The following KCND2 variants were observed in gnomAD, a reference collection of about 807,000 sequenced individuals.
KCND2 encodes the protein potassium voltage-gated channel subfamily D member 2, also known as A-type voltage-gated potassium channel KCND2.
Under a neutral mutation model 54.4 loss-of-function variants are expected in KCND2, and 16 were observed. The ratio of observed to expected loss-of-function variants is 0.29; its 90% CI spans 0.20 to 0.45. The LOEUF (loss-of-function observed/expected upper bound fraction) is 0.45, where lower values mean the gene tolerates loss of function less well. Among genes scored for constraint, KCND2 ranks in the 20% least tolerant of loss-of-function variants. The pLI, the probability that KCND2 is intolerant of heterozygous loss-of-function variation, is 1.00. For missense variants in KCND2, 486 were observed against 824.2 expected (o/e 0.59, Z 5.02); for synonymous variants, 317 against 310.7 (o/e 1.02, Z -0.21).
At chr7:120,522,050 A>G (rs1791702964) in intron 1 of KCND2, among the ~76,000 whole-genome samples, 1 of 152,154 alleles carries the variant, frequency 6.6e-6, no homozygotes, top group African/African-American at 2.4e-5. Context: ...ACACATTTGC[A>G]ACAACTCACC....
At chr7:120,533,427 A>G (rs1385448281) in intron 1 of KCND2, among the ~76,000 whole-genome samples, 1 of 152,112 alleles carries the variant, frequency 6.6e-6, no homozygotes, top group Admixed American at 6.6e-5. Context: ...ATCTGGCACT[A>G]GGCTAAGGAT....
chr7:120,622,693 T>A (rs532586914), intron 1 of KCND2, among the ~76,000 whole-genome samples: 7,400 of 123,768 alleles, frequency 0.06, 527 homozygotes, highest in African/African-American at 0.21. Context: ...ACACACACTC[T>A]CTCTCTCTCT....
chr7:120,503,064 T>A (rs1802959743), intron 1 of KCND2, among the ~76,000 whole-genome samples: 1 of 152,096 alleles, frequency 6.6e-6, no homozygotes, highest in South Asian at 2.1e-4. Context: ...ATCTATTGCC[T>A]TAGGGTCTAG....
At chr7:120,535,845 C>A (rs949179371) in intron 1 of KCND2, among the ~76,000 whole-genome samples, 2 of 152,100 alleles carry the variant, frequency 1.3e-5, no homozygotes, top group Admixed American at 6.6e-5. Flanking sequence ...GGCCATGATG[C>A]TCAGAAGACC....
chr7:120,421,591 T>A (rs1801624354), intron 1 of KCND2, among the ~76,000 whole-genome samples: 2 of 152,238 alleles, frequency 1.3e-5, no homozygotes, highest in South Asian at 4.1e-4. Context: ...AGCATCTGCA[T>A]TTCCCAAAGA....
intron 1 of KCND2, among the ~76,000 whole-genome samples, chr7:120,729,862 C>G (rs1053486337): frequency 6.7e-6 from 1 of 150,262 alleles, no homozygotes; most frequent in Non-Finnish European, 1.5e-5. Flanking sequence ...CTTTATGACA[C>G]GAAGCTTATG....
intron 1 of KCND2, among the ~76,000 whole-genome samples, chr7:120,318,556 A>G (rs1420809259): frequency 6.6e-6 from 1 of 152,082 alleles, no homozygotes; most frequent in Non-Finnish European, 1.5e-5. Context: ...CTTTGATAGC[A>G]TTGTTACTTG....
intron 1 of KCND2, among the ~76,000 whole-genome samples, chr7:120,355,952 A>G (rs1009771258): frequency 2.6e-5 from 4 of 152,224 alleles, no homozygotes; most frequent in Admixed American, 1.3e-4. Flanking sequence ...TAATTAATTT[A>G]TACCTAAATA....
At chr7:120,438,070 G>A (rs1278291181) in intron 1 of KCND2, among the ~76,000 whole-genome samples, 3 of 152,170 alleles carry the variant, frequency 2.0e-5, no homozygotes, top group Admixed American at 2.0e-4. Context: ...ATGAGTGGCT[G>A]TCATTTTTGG....
chr7:120,645,894 C>T (rs1487338508), intron 1 of KCND2, among the ~76,000 whole-genome samples: 1 of 152,218 alleles, frequency 6.6e-6, no homozygotes, highest in African/African-American at 2.4e-5. Context: ...GACATGAACT[C>T]AGTGGACACT....
chr7:120,422,399 C>T (rs1304381123), intron 1 of KCND2, among the ~76,000 whole-genome samples: 3 of 152,106 alleles, frequency 2.0e-5, no homozygotes, highest in African/African-American at 4.8e-5. Context: ...AGGAGATTGG[C>T]GAAGTCCTCC....
chr7:120,351,814 C>CT (rs1040442987), intron 1 of KCND2, among the ~76,000 whole-genome samples: 14 of 148,602 alleles, frequency 9.4e-5, no homozygotes, highest in East Asian at 3.9e-4. Flanking sequence ...TTCTTTCTTT[C>CT]TTTTTTTTTC....
chr7:120,513,134 G>T (rs890666307), intron 1 of KCND2, among the ~76,000 whole-genome samples: 1 of 152,036 alleles, frequency 6.6e-6, no homozygotes, highest in African/African-American at 2.4e-5. Flanking sequence ...AGTGAATAAT[G>T]AATGGAGCAA....
At chr7:120,371,230 A>G (rs1194962790) in intron 1 of KCND2, among the ~76,000 whole-genome samples, 1 of 151,980 alleles carries the variant, frequency 6.6e-6, no homozygotes, top group Non-Finnish European at 1.5e-5. Context: ...TGCTATATAC[A>G]TGTCCCACAG....
chr7:120,299,481 A>G (rs544860216), intron 1 of KCND2, among the ~76,000 whole-genome samples: 1 of 152,306 alleles, frequency 6.6e-6, no homozygotes, highest in South Asian at 2.1e-4. Context: ...TTCCAAGCAT[A>G]ACATCTATAT....
chr7:120,526,276 A>T (rs934818050), intron 1 of KCND2, among the ~76,000 whole-genome samples: 1 of 152,108 alleles, frequency 6.6e-6, no homozygotes, highest in Non-Finnish European at 1.5e-5. Context: ...GTAGAAGGAG[A>T]AATGGATCTT....
At chr7:120,602,191 T>C (rs1369379992) in intron 1 of KCND2, among the ~76,000 whole-genome samples, 1 of 152,234 alleles carries the variant, frequency 6.6e-6, no homozygotes, top group African/African-American at 2.4e-5. Context: ...TCTACATTTA[T>C]CACATTTCCT....
intron 1 of KCND2, among the ~76,000 whole-genome samples, chr7:120,427,038 C>CA (rs1322149459): frequency 4.2e-4 from 64 of 152,220 alleles, no homozygotes; most frequent in Non-Finnish European, 1.2e-4. Flanking sequence ...CAGAAAAATC[C>CA]TAGACTGGTG....
At chr7:120,452,806 C>T (rs1180057907) in intron 1 of KCND2, among the ~76,000 whole-genome samples, 1 of 152,120 alleles carries the variant, frequency 6.6e-6, no homozygotes, top group Non-Finnish European at 1.5e-5. Flanking sequence ...TCGCCCAAGG[C>T]TCACCATGTT....
Sources: allele counts gnomAD v4.1 joint callset (sites outside exome capture counted in the v4.1 genomes callset), GRCh38; gene constraint gnomAD v4.1.1; transcripts MANE v1.5; gene names NCBI Gene and HGNC (gene_info 2026-07-23, HGNC 2026-07-21).